MAP2: variants seen among roughly 807,000 people sequenced by gnomAD.
The protein encoded by MAP2 is microtubule associated protein 2.
A neutral mutation model predicts 137.6 loss-of-function variants in MAP2; 14 were observed. That is an observed-to-expected ratio of 0.10 (90% CI 0.07 to 0.16). The LOEUF (loss-of-function observed/expected upper bound fraction) is 0.16, where lower values mean the gene tolerates loss of function less well. MAP2 is among the 10% of genes least tolerant of loss of function. The pLI is 1.00. For missense variants in MAP2, 2,088 were observed against 2,191.5 expected (o/e 0.95, Z 0.94); for synonymous variants, 786 against 782.3 (o/e 1.00, Z -0.08).
chr2:209,703,708 T>C (rs1459606094), intron 11 of MAP2, among the ~76,000 whole-genome samples: 1 of 152,092 alleles, frequency 6.6e-6, no homozygotes, highest in Non-Finnish European at 1.5e-5. Context: ...CTTGCTTTGG[T>C]CTCAGGATTT....
intron 5 of MAP2, among the ~76,000 whole-genome samples, chr2:209,658,510 A>T (rs1468884402): frequency 2.7e-5 from 4 of 149,122 alleles, no homozygotes; most frequent in African/African-American, 1.0e-4. Flanking sequence ...TATTATTATT[A>T]CTATTTTTTT....
At chr2:209,553,667 C>G (rs1183846807) in intron 2 of MAP2, among the ~76,000 whole-genome samples, 1 of 152,136 alleles carries the variant, frequency 6.6e-6, no homozygotes, top group African/African-American at 2.4e-5. Context: ...GTAATTTAAA[C>G]TATTTTTATG....
chr2:209,609,311 C>T (rs1426816597), intron 3 of MAP2, among the ~76,000 whole-genome samples: 2 of 151,900 alleles, frequency 1.3e-5, no homozygotes, highest in African/African-American at 4.8e-5. Context: ...GTCATTGGGT[C>T]ATTAATTTTG....
intron 2 of MAP2, among the ~76,000 whole-genome samples, chr2:209,556,809 A>T (rs1026216903): frequency 6.6e-6 from 1 of 152,142 alleles, no homozygotes; most frequent in Non-Finnish European, 1.5e-5. Flanking sequence ...CGTTGTAAAA[A>T]AATTTAAACT....
chr2:209,600,774 C>T (rs183481689), intron 3 of MAP2, among the ~76,000 whole-genome samples: 64 of 152,252 alleles, frequency 4.2e-4, no homozygotes, highest in African/African-American at 1.5e-3. Flanking sequence ...TGCAGGCTTC[C>T]CCAGGTGTTA....
intron 1 of MAP2, among the ~76,000 whole-genome samples, chr2:209,484,606 C>T (rs1363473250): frequency 2.6e-5 from 4 of 152,158 alleles, no homozygotes; most frequent in Admixed American, 2.6e-4. Context: ...AGGAGAATCG[C>T]TTGAACCCGG....
chr2:209,441,927 A>G (rs948918616), intron 1 of MAP2, among the ~76,000 whole-genome samples: 1 of 151,564 alleles, frequency 6.6e-6, no homozygotes, highest in Admixed American at 6.6e-5. Context: ...TGGTTTTTGA[A>G]TCAAAACAGA....
At position 209,598,254 on chromosome 2, in the gene MAP2, C is replaced by G. The variant is rs184779788; in HGVS notation, c.-107+18154C>G. Among the ~76,000 whole-genome samples the G allele has an allele frequency of 2.5e-3, 386 of 152,036 alleles. 8 individuals carry two copies. The highest frequency in any genetic ancestry group is 1.2e-3 in the Non-Finnish European group (79 of 67,962). ...ACTCCTGATCTTGTGATCTGCTCAC[C>G]TCGGCCTCCCAAAGTATTGGTATTA... On this transcript the variant is annotated intron_variant, in intron 3 of 15. Coordinates refer to ENST00000682079, the MANE Select transcript of MAP2 (RefSeq NM_001375505.1).
intron 1 of MAP2, among the ~76,000 whole-genome samples, chr2:209,424,754 T>C (rs1692076610): frequency 6.6e-6 from 1 of 152,204 alleles, no homozygotes; most frequent in Non-Finnish European, 1.5e-5. Context: ...TTTCAAATCA[T>C]GTTTCTCTGT....
intron 5 of MAP2, among the ~76,000 whole-genome samples, chr2:209,657,972 A>G (rs2041713603): frequency 6.6e-6 from 1 of 152,158 alleles, no homozygotes; most frequent in African/African-American, 2.4e-5. Flanking sequence ...ATGGCTTGTA[A>G]TAATTCTTTC....
chr2:209,484,424 G>A (rs2058108516), intron 1 of MAP2, among the ~76,000 whole-genome samples: 1 of 152,100 alleles, frequency 6.6e-6, no homozygotes, highest in East Asian at 1.9e-4. Flanking sequence ...AGGCGCAGTG[G>A]CTCACGCCCG....
In MAP2 at chr2:209,525,874, C is replaced by T. The variant is rs1420758618; in HGVS notation, c.-172+18233C>T. On this transcript the variant is annotated intron_variant, in intron 2 of 15. Transcript: ENST00000682079. ...GAAAGTCTGGGGAAAAAACTCTTCA[C>T]TATAGTAACTGATTAGTTCCATTTC... is the stretch of plus-strand genomic sequence containing the variant. Among the ~76,000 whole-genome samples, 2 of 152,172 alleles carry T rather than the reference C, an allele frequency of 1.3e-5. 1 individual carries two copies. The highest frequency in any genetic ancestry group is 4.8e-5 in the African/African-American group (2 of 41,462).
At chr2:209,707,062 A>T (rs1267358289) in intron 12 of MAP2, among the ~76,000 whole-genome samples, 1 of 152,166 alleles carries the variant, frequency 6.6e-6, no homozygotes, top group Admixed American at 6.6e-5. Context: ...AACATAATTA[A>T]TAACCCCAAG....
intron 1 of MAP2, among the ~76,000 whole-genome samples, chr2:209,437,039 A>G (rs1405205109): frequency 1.3e-5 from 2 of 151,752 alleles, no homozygotes; most frequent in Admixed American, 6.6e-5. Context: ...TGGCCTTTCA[A>G]TCATATTGTA....
chr2:209,460,774 A>G (rs1280391555), intron 1 of MAP2, among the ~76,000 whole-genome samples: 1 of 152,062 alleles, frequency 6.6e-6, no homozygotes, highest in East Asian at 1.9e-4. Context: ...TTTGAGACAG[A>G]GTCTCACTGT....
chr2:209,586,251 GA>G (rs1416323405), intron 3 of MAP2, among the ~76,000 whole-genome samples: 1 of 152,094 alleles, frequency 6.6e-6, no homozygotes, highest in Non-Finnish European at 1.5e-5. Context: ...GGCAGGTAGA[GA>G]GGGGTGCTAC....
rs115338389 is a variant in MAP2, at chr2:209,520,316, T to C, written c.-172+12675T>C. On this transcript the variant is annotated intron_variant, in intron 2 of 15. Transcript: ENST00000682079. ...ATATACATATGCACAGCTAAATCCA[T>C]ATGCTCTAATAAAAGCATTCTTTTC... 1.2e-3 allele frequency among the ~76,000 whole-genome samples: 187 copies of C among 152,182 alleles called. 1 individual carries two copies. Among genetic ancestry groups the C allele is most frequent in the African/African-American group, 4.2e-3 (174 of 41,566 alleles).
chr2:209,706,615 A>G lies in MAP2; in HGVS notation c.4732+888A>G, dbSNP rs144591449. Among the ~76,000 whole-genome samples the G allele has an allele frequency of 1.3e-4, 20 of 152,062 alleles. No individual in the cohort carries two copies. The East Asian group carries it at 3.9e-3, about 30-fold the overall frequency. ...TTTTCAGCCTACTGATAACTTCACA[A>G]CCTGAAGTCTTAATGTCTTTTCTAC... On this transcript the variant is annotated intron_variant, in intron 12 of 15. Coordinates refer to ENST00000682079, the MANE Select transcript of MAP2 (RefSeq NM_001375505.1).
intron 4 of MAP2, among the ~76,000 whole-genome samples, chr2:209,629,008 C>T (rs921887140): frequency 5.9e-5 from 9 of 152,178 alleles, no homozygotes. Flanking sequence ...AATGCTAAAG[C>T]ACTTTCATGT....
Sources: allele counts gnomAD v4.1 joint callset (sites outside exome capture counted in the v4.1 genomes callset), GRCh38; gene constraint gnomAD v4.1.1; transcripts MANE v1.5; gene names NCBI Gene and HGNC (gene_info 2026-07-23, HGNC 2026-07-21).